The following SOAT1 variants were observed in gnomAD, a reference collection of about 807,000 sequenced individuals.
SOAT1 encodes the protein sterol O-acyltransferase 1, also known as acyl-coenzyme A:cholesterol acyltransferase 1.
In SOAT1, 55 loss-of-function variants were observed where a neutral mutation model predicts 69.5. The observed-to-expected ratio is 0.79, with a 90% CI of 0.64 to 0.99. SOAT1 has a LOEUF of 0.99. Among genes scored for constraint, SOAT1 ranks in the 50% least tolerant of loss-of-function variants. The probability of loss-of-function intolerance (pLI) is 0.00; values close to 1 mark genes in which losing one functional copy is unlikely to be tolerated. For synonymous variants in SOAT1, 231 were observed against 224.7 expected (o/e 1.03, Z -0.25); for missense variants, 580 against 669.3 (o/e 0.87, Z 1.47).
intron 11 of SOAT1, 78 bp downstream of exon 11, chr1:179,345,154 G>A: frequency 6.9e-7 from 1 of 1,454,592 alleles, no homozygotes; most frequent in Non-Finnish European, 9.5e-7. Context: ...GAGCACCTTT[G>A]CTTTGCCTAC....
At chr1:179,301,133 A>G (rs551245360) in intron 1 of SOAT1, among the ~76,000 whole-genome samples, 11 of 152,178 alleles carry the variant, frequency 7.2e-5, no homozygotes, top group East Asian at 1.9e-4. Flanking sequence ...TGGTCTTGCT[A>G]TGTTTCCCAT....
chr1:179,347,161 T>A (rs565196311), intron 11 of SOAT1, among the ~76,000 whole-genome samples: 3 of 151,950 alleles, frequency 2.0e-5, no homozygotes, highest in Non-Finnish European at 2.9e-5. Flanking sequence ...GATTGAGACC[T>A]GCCTGGCCAA....
At chr1:179,321,348 A>G (rs371472320) in intron 2 of SOAT1, among the ~76,000 whole-genome samples, 1 of 151,852 alleles carries the variant, frequency 6.6e-6, no homozygotes, top group Non-Finnish European at 1.5e-5. Flanking sequence ...AAAAACATTT[A>G]TTGTAGAGAT....
intron 3 of SOAT1, among the ~76,000 whole-genome samples, chr1:179,324,042 C>G (rs2124966640): frequency 6.6e-6 from 1 of 152,160 alleles, no homozygotes; most frequent in African/African-American, 2.4e-5. Flanking sequence ...GACTTAAAAT[C>G]CAAAGCAAAC....
At chr1:179,348,766 G>A (rs911211059) in intron 12 of SOAT1, 78 bp from the exon 13 acceptor site, 43 of 7,910 alleles carry the variant, frequency 5.4e-3, no homozygotes, top group Non-Finnish European at 0.012. Flanking sequence ...TGGGATGTGT[G>A]TGTGTGTGTG....
At chr1:179,310,708 G>C (rs1211661476) in intron 2 of SOAT1, among the ~76,000 whole-genome samples, 2 of 152,168 alleles carry the variant, frequency 1.3e-5, no homozygotes, top group African/African-American at 4.8e-5. Context: ...TGAAATGTAG[G>C]TATTATAAGA....
intron 2 of SOAT1, among the ~76,000 whole-genome samples, chr1:179,303,542 C>A (rs1664905758): frequency 6.6e-6 from 1 of 152,174 alleles, no homozygotes; most frequent in Non-Finnish European, 1.5e-5. Flanking sequence ...CCTTCTGAGA[C>A]AGGTTGTCTT....
chr1:179,319,089 C>T (rs1665498764), intron 2 of SOAT1, among the ~76,000 whole-genome samples: 1 of 152,134 alleles, frequency 6.6e-6, no homozygotes. Flanking sequence ...TTTCTTTCTT[C>T]ACATTCAAGC....
chr1:179,308,585 T>C (rs1297469209), intron 2 of SOAT1, among the ~76,000 whole-genome samples: 2 of 150,034 alleles, frequency 1.3e-5, no homozygotes, highest in Non-Finnish European at 2.9e-5. Context: ...GGCAGTAGAA[T>C]CGCTTGAACC....
At chr1:179,317,659 C>G (rs1224873789) in intron 2 of SOAT1, among the ~76,000 whole-genome samples, 1 of 134,416 alleles carries the variant, frequency 7.4e-6, no homozygotes, top group Non-Finnish European at 1.6e-5. Flanking sequence ...TTTTTTTTAA[C>G]GAAGATAGCA....
At position 179,354,904 on chromosome 1, in the gene SOAT1, G is replaced by T. The variant is rs1317372151; in HGVS notation, c.*1263G>T. ...ACTTTCCACTCAAAGTAAGATTTAT[G>T]AATTATTTAAATGATAGTTGTTACT... On this transcript the variant is annotated 3_prime_UTR_variant, in exon 16 of 16. Coordinates refer to ENST00000367619, the MANE Select transcript of SOAT1 (RefSeq NM_003101.6). 6.6e-6 allele frequency: 1 copy of T among 152,158 alleles called. No homozygotes were observed. The highest frequency in any genetic ancestry group is 1.5e-5 in the Non-Finnish European group (1 of 68,020). The allele number at this position is 152,158 out of a possible 1,614,324, so 9.4% of individuals were successfully genotyped here.
At chr1:179,353,167 TA>T in intron 15 of SOAT1, among the ~76,000 whole-genome samples, 1 of 38,334 alleles carries the variant, frequency 2.6e-5, no homozygotes, top group Non-Finnish European at 5.7e-5. Flanking sequence ...TAATATATAC[TA>T]ATATTTAGTA....
At chr1:179,351,959 C>G (rs1160316954) in intron 15 of SOAT1, among the ~76,000 whole-genome samples, 1 of 151,854 alleles carries the variant, frequency 6.6e-6, no homozygotes, top group East Asian at 1.9e-4. Flanking sequence ...ACCTCATGAT[C>G]CGCCCACCTC....
At chr1:179,300,113 G>A (rs1316333874) in intron 1 of SOAT1, among the ~76,000 whole-genome samples, 1 of 151,218 alleles carries the variant, frequency 6.6e-6, no homozygotes, top group Admixed American at 6.6e-5. Flanking sequence ...CTTTAAAAGA[G>A]TATCTACTTT....
chr1:179,320,944 C>T (rs1171254274), intron 2 of SOAT1, among the ~76,000 whole-genome samples: 1 of 150,672 alleles, frequency 6.6e-6, no homozygotes, highest in East Asian at 1.9e-4. Context: ...CTCATTCTGT[C>T]TCCCAGGCTG....
intron 2 of SOAT1, among the ~76,000 whole-genome samples, chr1:179,320,522 G>A (rs184545123): frequency 8.1e-4 from 123 of 151,462 alleles, no homozygotes; most frequent in African/African-American, 2.7e-3. Context: ...GTCAATTTTT[G>A]CAAAGAAGCC....
Position 179,317,527 on chromosome 1 carries a change from C to T in SOAT1, c.119-5910C>T, listed in dbSNP as rs552743699. ...CAGCCTGGGTGACAGAGCGAGACTC[C>T]GTCTCAAAAAAAAAAAAAAAAATAC... On this transcript the variant is annotated intron_variant, in intron 2 of 15. Transcript: ENST00000367619. 1.6e-3 allele frequency among the ~76,000 whole-genome samples: 185 copies of T among 114,980 alleles called. 3 individuals carry two copies. The highest frequency in any genetic ancestry group is 5.3e-3 in the African/African-American group (166 of 31,248). The allele number at this position is 114,980 out of a possible 152,430, so 75.4% of individuals were successfully genotyped here.
chr1:179,312,260 T>G lies in SOAT1; in HGVS notation c.118+9458T>G, dbSNP rs557757280. ...TTCTGTAGCGCATGGCAATTTGGAATCAGAAGGCAGATAGCGGGTAATTTC... is the reference window on the plus strand; with the variant it reads ...TTCTGTAGCGCATGGCAATTTGGAAGCAGAAGGCAGATAGCGGGTAATTTC... On this transcript the variant is annotated intron_variant, in intron 2 of 15. Transcript: ENST00000367619. Among the ~76,000 whole-genome samples the G allele has an allele frequency of 6.3e-4, 96 of 152,206 alleles. 1 individual carries two copies. The highest frequency in any genetic ancestry group is 1.2e-3 in the Non-Finnish European group (80 of 68,012).
At chr1:179,351,021 CTTTTTTTTTTTTTTTTTT>C (rs201449849) in intron 14 of SOAT1, among the ~76,000 whole-genome samples, 14 of 127,592 alleles carry the variant, frequency 1.1e-4, no homozygotes, top group East Asian at 2.1e-4. Context: ...ATATTTCTTT[CTTTTTTTTTTTTTTTTTT>C]TTTTTTTTTT....
Sources: gnomAD v4.1 joint callset for allele counts (sites outside exome capture counted in the v4.1 genomes callset) on GRCh38, gnomAD v4.1.1 for gene constraint, MANE v1.5 for transcripts, NCBI Gene and HGNC (gene_info 2026-07-23, HGNC 2026-07-21) for gene names.